The following CSMD1 variants were observed in gnomAD, a reference collection of about 807,000 sequenced individuals.
The protein encoded by CSMD1 is CUB and Sushi multiple domains 1.
Under a neutral mutation model 417.5 loss-of-function variants are expected in CSMD1, and 213 were observed. That is an observed-to-expected ratio of 0.51 (90% CI 0.46 to 0.57). The LOEUF is 0.57. Among genes scored for constraint, CSMD1 ranks in the 20% least tolerant of loss-of-function variants. CSMD1 has a pLI of 0.00. For synonymous variants in CSMD1, 2,862 were observed against 1,736.8 expected (o/e 1.65, Z -16.11); for missense variants, 6,923 against 4,529.7 (o/e 1.53, Z -15.17).
At chr8:4,336,045 C>A (rs1411761725) in intron 3 of CSMD1, among the ~76,000 whole-genome samples, 1 of 152,084 alleles carries the variant, frequency 6.6e-6, no homozygotes, top group Non-Finnish European at 1.5e-5. Flanking sequence ...CAAACTTCCT[C>A]CCTGTCTTCA....
intron 3 of CSMD1, among the ~76,000 whole-genome samples, chr8:4,383,255 T>C (rs2128919840): frequency 6.6e-6 from 1 of 152,280 alleles, no homozygotes; most frequent in Admixed American, 6.5e-5. Flanking sequence ...AGCAGCATTG[T>C]CTAGTACAGT....
intron 3 of CSMD1, among the ~76,000 whole-genome samples, chr8:4,338,793 G>C (rs143896482): frequency 6.6e-6 from 1 of 151,946 alleles, no homozygotes; most frequent in Non-Finnish European, 1.5e-5. Context: ...ATTGATATTA[G>C]TTTAATGTTG....
In CSMD1 at chr8:2,965,822, C is replaced by T. The variant is rs181332761; in HGVS notation, c.9233G>A (p.Arg3078His). ...VMEAVTSATI[R>H]CTKDGRWNPS... is the part of the protein sequence containing the mutation. ...ATTCCACCTGCCGTCTTTGGTACAG[C>T]GAATAGTGGCGGATGTGACTGCTTC... The change falls in exon 59 of 70, where the codon CGC (arginine) becomes CAC (histidine). Residue 3078 changes from arginine to histidine, a missense_variant. Coordinates refer to ENST00000635120, the MANE Select transcript of CSMD1 (RefSeq NM_033225.6). 222 of 1,610,646 alleles carry T rather than the reference C, an allele frequency of 1.4e-4. No individual in the cohort carries two copies. The highest frequency in any genetic ancestry group is 9.2e-4 in the African/African-American group (69 of 74,984).
intron 1 of CSMD1, among the ~76,000 whole-genome samples, chr8:4,976,586 C>T (rs1387345561): frequency 6.6e-6 from 1 of 152,102 alleles, no homozygotes; most frequent in African/African-American, 2.4e-5. Flanking sequence ...CAAAATAATG[C>T]AACAATTTAT....
intron 3 of CSMD1, among the ~76,000 whole-genome samples, chr8:4,103,008 T>A (rs1449435510): frequency 1.3e-5 from 2 of 152,150 alleles, no homozygotes; most frequent in Non-Finnish European, 2.9e-5. Context: ...ATTCTAAACT[T>A]TTTACTCTTT....
At chr8:3,965,905 C>A (rs574854343) in intron 5 of CSMD1, among the ~76,000 whole-genome samples, 1 of 152,144 alleles carries the variant, frequency 6.6e-6, no homozygotes, top group Non-Finnish European at 1.5e-5. Context: ...GTATGAGCCA[C>A]CATGCCCGGC....
At chr8:4,282,338 A>T (rs1207449616) in intron 3 of CSMD1, among the ~76,000 whole-genome samples, 2 of 152,154 alleles carry the variant, frequency 1.3e-5, no homozygotes, top group African/African-American at 4.8e-5. Context: ...AGATCATAAC[A>T]CAGATCTTCT....
At chr8:4,549,698 G>C (rs920636532) in intron 2 of CSMD1, among the ~76,000 whole-genome samples, 1 of 151,928 alleles carries the variant, frequency 6.6e-6, no homozygotes, top group Non-Finnish European at 1.5e-5. Context: ...AGACCAGCCT[G>C]GGCAACATGG....
At chr8:4,691,629 A>G (rs1356716587) in intron 1 of CSMD1, among the ~76,000 whole-genome samples, 5 of 152,242 alleles carry the variant, frequency 3.3e-5, no homozygotes, top group African/African-American at 7.2e-5. Context: ...TCTGCACTCC[A>G]TCTATGCCTG....
At chr8:2,981,423 G>C (rs656466) in intron 54 of CSMD1, among the ~76,000 whole-genome samples, 41,949 of 152,066 alleles carry the variant, frequency 0.28, 6,792 homozygotes, top group African/African-American at 0.45. Context: ...CACCTGCAGC[G>C]ACTCCAGACC....
intron 1 of CSMD1, among the ~76,000 whole-genome samples, chr8:4,856,154 C>G (rs922485003): frequency 6.7e-6 from 1 of 149,502 alleles, no homozygotes; most frequent in Non-Finnish European, 1.5e-5. Flanking sequence ...ATTTCATATC[C>G]AGCCAAACTA....
At chr8:3,125,217 T>G (rs186073044) in intron 41 of CSMD1, among the ~76,000 whole-genome samples, 1 of 152,362 alleles carries the variant, frequency 6.6e-6, no homozygotes, top group East Asian at 1.9e-4. Context: ...AGGATCCTGT[T>G]GCATCCTGTT....
intron 3 of CSMD1, among the ~76,000 whole-genome samples, chr8:4,238,015 C>T (rs545853463): frequency 6.6e-6 from 1 of 152,146 alleles, no homozygotes; most frequent in Non-Finnish European, 1.5e-5. Context: ...GCGGGACGAA[C>T]CACATCATGT....
intron 3 of CSMD1, among the ~76,000 whole-genome samples, chr8:4,371,511 A>T (rs1171411990): frequency 6.6e-6 from 1 of 152,222 alleles, no homozygotes; most frequent in Non-Finnish European, 1.5e-5. Flanking sequence ...GATATGGGAT[A>T]TTCCCTTATG....
intron 5 of CSMD1, among the ~76,000 whole-genome samples, chr8:3,867,735 C>A (rs35200035): frequency 1.3e-5 from 2 of 152,062 alleles, no homozygotes; most frequent in African/African-American, 2.4e-5. Flanking sequence ...GCTGCTTATG[C>A]AAACACTGGC....
chr8:4,580,069 T>C (rs1358354120), intron 2 of CSMD1, among the ~76,000 whole-genome samples: 1 of 152,258 alleles, frequency 6.6e-6, no homozygotes, highest in Non-Finnish European at 1.5e-5. Flanking sequence ...TTCTCTGCTT[T>C]TGTTTCTATA....
chr8:3,740,128 G>A (rs912831632), intron 6 of CSMD1, among the ~76,000 whole-genome samples: 3 of 152,204 alleles, frequency 2.0e-5, no homozygotes, highest in African/African-American at 4.8e-5. Context: ...TTTTTGAGAT[G>A]GAGTTTCACT....
rs114837652 is a variant in CSMD1, at chr8:3,740,638, A to G, written c.931+13292T>C. On this transcript the variant is annotated intron_variant, in intron 6 of 69. Coordinates refer to ENST00000635120, the MANE Select transcript of CSMD1 (RefSeq NM_033225.6). ...TGATTTGATGCTGGTAAAGAGACAAATGTAGGGACCTGGGATGTAGATTTT... is the reference window on the plus strand; with the variant it reads ...TGATTTGATGCTGGTAAAGAGACAAGTGTAGGGACCTGGGATGTAGATTTT... 7.9e-3 allele frequency among the ~76,000 whole-genome samples: 1,198 copies of G among 152,270 alleles called. 13 individuals carry two copies. Among genetic ancestry groups the G allele is most frequent in the Middle Eastern group, 0.034 (10 of 294 alleles).
At chr8:3,847,477 G>A (rs1005687673) in intron 5 of CSMD1, among the ~76,000 whole-genome samples, 1 of 152,080 alleles carries the variant, frequency 6.6e-6, no homozygotes, top group African/African-American at 2.4e-5. Context: ...ATACTTGCAA[G>A]GAGCTGAGTT....
Sources: allele counts gnomAD v4.1 joint callset (sites outside exome capture counted in the v4.1 genomes callset), GRCh38; gene constraint gnomAD v4.1.1; transcripts MANE v1.5; gene names NCBI Gene and HGNC (gene_info 2026-07-23, HGNC 2026-07-21).